GRID2: variants seen among roughly 807,000 people sequenced by gnomAD.
The protein encoded by GRID2 is glutamate ionotropic receptor delta type subunit 2.
Under a neutral mutation model 114.8 loss-of-function variants are expected in GRID2, and 33 were observed. The observed-to-expected ratio is 0.29, with a 90% CI of 0.22 to 0.38. The LOEUF is 0.38. Ranked by LOEUF, GRID2 falls within the 10% of genes least tolerant of loss-of-function variation. The pLI is 1.00. For missense variants in GRID2, 1,184 were observed against 1,257.7 expected (o/e 0.94, Z 0.89); for synonymous variants, 505 against 449.9 (o/e 1.12, Z -1.55).
chr4:92,429,609 G>A (rs1732337638), intron 1 of GRID2, among the ~76,000 whole-genome samples: 1 of 152,076 alleles, frequency 6.6e-6, no homozygotes, highest in Non-Finnish European at 1.5e-5. Context: ...TTTTGGAAAG[G>A]AATCCAGCAG....
rs1250858919 is a variant in GRID2 at position 93,524,821 on chromosome 4, A to ATG, written c.2193+9412_2193+9413dup. On this transcript the variant is annotated intron_variant, in intron 13 of 15. Transcript: ENST00000282020. ...TATATATATATATATATATGTATGT[A>ATG]TGTATATATATATATATATATATAT... Among the ~76,000 whole-genome samples the ATG allele has an allele frequency of 1.7e-4, 8 of 46,064 alleles. No homozygotes were observed. The East Asian group carries it at 3.7e-3, about 21-fold the overall frequency. 30.2% of individuals were successfully genotyped at this position (46,064 alleles called of 152,430 possible). A position where few individuals can be genotyped will look rare whatever the true frequency, so the allele number is the denominator to read the frequency against.
intron 1 of GRID2, among the ~76,000 whole-genome samples, chr4:92,403,114 C>G (rs767031081): frequency 6.6e-6 from 1 of 152,140 alleles, no homozygotes; most frequent in Non-Finnish European, 1.5e-5. Flanking sequence ...CTTCTCTCAG[C>G]CTTCAGAGAA....
In GRID2 at chr4:92,489,583, C is replaced by T. The variant is rs560400675; in HGVS notation, c.89-100548C>T. 4.6e-5 allele frequency among the ~76,000 whole-genome samples: 7 copies of T among 152,240 alleles called. No individual in the cohort carries two copies. The South Asian group carries it at 6.2e-4, about 14-fold the overall frequency. ...AATAAGGGCCGGGCACGGTGGCTCA[C>T]TCCTGTAATCCCAGCACTTTGGGAG... On this transcript the variant is annotated intron_variant, in intron 1 of 15. Transcript: ENST00000282020.
intron 2 of GRID2, among the ~76,000 whole-genome samples, chr4:92,648,055 C>G (rs1418779723): frequency 6.7e-6 from 1 of 149,670 alleles, no homozygotes; most frequent in South Asian, 2.1e-4. Context: ...TCATTGGGGA[C>G]ATTTTTTATC....
intron 2 of GRID2, among the ~76,000 whole-genome samples, chr4:92,651,304 G>T (rs920525426): frequency 8.6e-5 from 13 of 151,992 alleles, no homozygotes; most frequent in South Asian, 4.1e-4. Flanking sequence ...ACTCAGTGTG[G>T]GTCTCTGCTG....
At chr4:93,153,949 A>C (rs777273141) in intron 4 of GRID2, among the ~76,000 whole-genome samples, 3 of 152,058 alleles carry the variant, frequency 2.0e-5, no homozygotes, top group Non-Finnish European at 2.9e-5. Flanking sequence ...TTAGATCTTT[A>C]GAACTAGTAT....
At chr4:92,547,864 A>G (rs115462566) in intron 1 of GRID2, among the ~76,000 whole-genome samples, 1 of 152,308 alleles carries the variant, frequency 6.6e-6, no homozygotes, top group African/African-American at 2.4e-5. Flanking sequence ...AAGAAAGGAG[A>G]ATATTGGCAA....
At chr4:92,724,897 A>G (rs146311939) in intron 2 of GRID2, among the ~76,000 whole-genome samples, 67 of 152,314 alleles carry the variant, frequency 4.4e-4, no homozygotes, top group African/African-American at 1.6e-3. Context: ...ACAAAGTTTT[A>G]AATTCCAATT....
At chr4:92,455,085 A>G (rs1205448187) in intron 1 of GRID2, among the ~76,000 whole-genome samples, 1 of 152,194 alleles carries the variant, frequency 6.6e-6, no homozygotes, top group African/African-American at 2.4e-5. Context: ...GCACCGCTGT[A>G]AATTTCTATT....
intron 2 of GRID2, among the ~76,000 whole-genome samples, chr4:92,599,278 G>A (rs1322438891): frequency 6.6e-6 from 1 of 152,146 alleles, no homozygotes; most frequent in South Asian, 2.1e-4. Flanking sequence ...TAATACAATC[G>A]GTGAAGTAAA....
chr4:93,785,255 G>A (rs140286953), intron 1 of GRID2, among the ~76,000 whole-genome samples: 1 of 152,214 alleles, frequency 6.6e-6, no homozygotes, highest in Non-Finnish European at 1.5e-5. Context: ...TGTGAATATT[G>A]GAAATGTGAC....
intron 1 of GRID2, among the ~76,000 whole-genome samples, chr4:92,510,858 TAA>T (rs58768935): frequency 1.4e-5 from 2 of 144,036 alleles, no homozygotes; most frequent in African/African-American, 2.6e-5. Flanking sequence ...ATGTGTCAAT[TAA>T]AAAAAAAAAA....
chr4:93,278,137 G>A (rs1227746298), intron 8 of GRID2, among the ~76,000 whole-genome samples: 3 of 151,978 alleles, frequency 2.0e-5, no homozygotes, highest in South Asian at 4.2e-4. Context: ...GGGAGGCAAT[G>A]GATGGGAACA....
intron 2 of GRID2, among the ~76,000 whole-genome samples, chr4:93,052,008 T>C (rs1364135158): frequency 6.6e-6 from 1 of 152,026 alleles, no homozygotes; most frequent in African/African-American, 2.4e-5. Context: ...TCTAATTTGC[T>C]TTACTTGGCA....
intron 4 of GRID2, among the ~76,000 whole-genome samples, chr4:93,135,861 T>C (rs1333684414): frequency 2.0e-5 from 3 of 152,182 alleles, no homozygotes; most frequent in African/African-American, 7.2e-5. Flanking sequence ...ATCAAAATCC[T>C]GCCAACAATA....
chr4:92,976,960 T>A (rs1266722473), intron 2 of GRID2, among the ~76,000 whole-genome samples: 1 of 152,132 alleles, frequency 6.6e-6, no homozygotes, highest in Non-Finnish European at 1.5e-5. Flanking sequence ...CAGATTAGCA[T>A]CCATGACTGA....
At chr4:93,795,762 G>A (rs1265904961) in intron 1 of GRID2, among the ~76,000 whole-genome samples, 1 of 152,164 alleles carries the variant, frequency 6.6e-6, no homozygotes, top group Non-Finnish European at 1.5e-5. Context: ...AATGCTACAG[G>A]TCTTAAATGC....
intron 2 of GRID2, among the ~76,000 whole-genome samples, chr4:92,828,445 T>C (rs1210119384): frequency 6.6e-6 from 1 of 152,118 alleles, no homozygotes; most frequent in Non-Finnish European, 1.5e-5. Flanking sequence ...CTAAGCAGTC[T>C]ACTAGAGCAC....
intron 1 of GRID2, among the ~76,000 whole-genome samples, chr4:92,548,401 A>ATTTTTTTTTGTTTTTTTTTT (rs1726386207): frequency 1.6e-5 from 1 of 60,808 alleles, no homozygotes; most frequent in Non-Finnish European, 2.7e-5. Context: ...AGACTGTGTA[A>ATTTTTTTTTGTTTTTTTTTT]TTTTTTTTTT....
Sources: allele counts gnomAD v4.1 joint callset (sites outside exome capture counted in the v4.1 genomes callset), GRCh38; gene constraint gnomAD v4.1.1; transcripts MANE v1.5; gene names NCBI Gene and HGNC (gene_info 2026-07-23, HGNC 2026-07-21).